The following PIK3C2G variants were observed in gnomAD, a reference collection of about 807,000 sequenced individuals.
PIK3C2G encodes the protein phosphatidylinositol 3-kinase C2 domain-containing subunit gamma.
In PIK3C2G, 168 loss-of-function variants were observed where a neutral mutation model predicts 181.1. That is an observed-to-expected ratio of 0.93 (90% CI 0.82 to 1.05). The LOEUF (loss-of-function observed/expected upper bound fraction) is 1.05, where lower values mean the gene tolerates loss of function less well. Among genes scored for constraint, PIK3C2G ranks in the 50% least tolerant of loss-of-function variants. The probability of loss-of-function intolerance (pLI) is 0.00; values close to 1 mark genes in which losing one functional copy is unlikely to be tolerated. For missense variants in PIK3C2G, 1,869 were observed against 1,732.8 expected, an observed-to-expected ratio of 1.08 and a Z score of -1.40; for synonymous variants, 573 against 592.2, an observed-to-expected ratio of 0.97 and a Z score of 0.47.
At chr12:18,587,789 T>C (rs1946869326) in intron 29 of PIK3C2G, among the ~76,000 whole-genome samples, 1 of 151,220 alleles carries the variant, frequency 6.6e-6, no homozygotes, top group South Asian at 2.1e-4. Flanking sequence ...AACACCTGAA[T>C]AGCCAACCCA....
At chr12:18,305,723 G>T (rs1950391989) in intron 5 of PIK3C2G, among the ~76,000 whole-genome samples, 1 of 151,916 alleles carries the variant, frequency 6.6e-6, no homozygotes, top group African/African-American at 2.4e-5. Context: ...TATTTGTAAA[G>T]TCTGTAGTAG....
At chr12:18,657,976 T>C in the PIK3C2G span, among the ~76,000 whole-genome samples, 1 of 151,948 alleles carries the variant, frequency 6.6e-6, no homozygotes, top group African/African-American at 2.4e-5. Flanking sequence ...TCACTTCAAA[T>C]AGAAAACTTC....
intron 29 of PIK3C2G, among the ~76,000 whole-genome samples, chr12:18,568,555 C>G (rs1374220717): frequency 1.3e-5 from 2 of 152,002 alleles, no homozygotes. Flanking sequence ...ATCTGAGTCC[C>G]AAGACATTCT....
chr12:18,539,828 C>A (rs1031559758), intron 25 of PIK3C2G, among the ~76,000 whole-genome samples: 17 of 151,976 alleles, frequency 1.1e-4, no homozygotes, highest in African/African-American at 3.9e-4. Context: ...ATATTGGTTT[C>A]TTCTTGTGTA....
intron 31 of PIK3C2G, among the ~76,000 whole-genome samples, chr12:18,619,794 G>T (rs1207805971): frequency 2.0e-5 from 3 of 148,744 alleles, no homozygotes; most frequent in Non-Finnish European, 4.4e-5. Flanking sequence ...GCGCGATCTC[G>T]GCTCACTGCA....
chr12:18,334,029 G>C (rs1486875419), intron 8 of PIK3C2G, among the ~76,000 whole-genome samples: 1 of 152,054 alleles, frequency 6.6e-6, no homozygotes, highest in Non-Finnish European at 1.5e-5. Flanking sequence ...TAAAGTATTA[G>C]CATATGGCTC....
chr12:18,251,619 A>G (rs1298028115), intron 1 of PIK3C2G, among the ~76,000 whole-genome samples: 1 of 152,096 alleles, frequency 6.6e-6, no homozygotes, highest in Non-Finnish European at 1.5e-5. Flanking sequence ...GAAGGCATAG[A>G]TCCATCACTT....
At chr12:18,273,153 G>A (rs1379195717) in intron 1 of PIK3C2G, among the ~76,000 whole-genome samples, 1 of 152,092 alleles carries the variant, frequency 6.6e-6, no homozygotes, top group African/African-American at 2.4e-5. Flanking sequence ...TTCTAATACA[G>A]TCACTTATAT....
At chr12:18,429,490 T>A (rs1053024333) in intron 18 of PIK3C2G, among the ~76,000 whole-genome samples, 1 of 152,108 alleles carries the variant, frequency 6.6e-6, no homozygotes, top group African/African-American at 2.4e-5. Context: ...CCAGCCACCA[T>A]CTGGGATTGA....
chr12:18,719,944 A>G, the PIK3C2G span, among the ~76,000 whole-genome samples: 1 of 152,098 alleles, frequency 6.6e-6, no homozygotes, highest in Non-Finnish European at 1.5e-5. Context: ...CATCTGGATG[A>G]CTGGCACACA....
At chr12:18,246,696 T>C, upstream of PIK3C2G, among the ~76,000 whole-genome samples, 1 of 152,094 alleles carries the variant, frequency 6.6e-6, no homozygotes. Flanking sequence ...TTTAAGAGAT[T>C]ATGGGGGCAT....
Position 18,509,202 on chromosome 12 carries a change from C to T in PIK3C2G, c.3323+3741C>T, listed in dbSNP as rs1052093468. Among the ~76,000 whole-genome samples, 22 of 152,044 alleles carry T rather than the reference C, an allele frequency of 1.4e-4. 1 individual carries two copies. Among genetic ancestry groups the T allele is most frequent in the Middle Eastern group, 6.3e-3 (2 of 316 alleles). On this transcript the variant is annotated intron_variant, in intron 24 of 32. Coordinates refer to ENST00000538779, the MANE Select transcript of PIK3C2G (RefSeq NM_001288772.2). ...GAGTAGCTGTAATTACATGCCACCA[C>T]GCCTGGCTAATTTTTTTTGTATTTT... is the stretch of plus-strand genomic sequence containing the variant.
chr12:18,251,693 T>G (rs1443099827), intron 1 of PIK3C2G, among the ~76,000 whole-genome samples: 1 of 152,056 alleles, frequency 6.6e-6, no homozygotes, highest in Non-Finnish European at 1.5e-5. Flanking sequence ...GCACAAATAT[T>G]TGGATTCTTA....
chr12:18,688,015 C>CT, the PIK3C2G span: 1 of 1,569,060 alleles, frequency 6.4e-7, no homozygotes, highest in Non-Finnish European at 8.7e-7. Flanking sequence ...TACAAAAACT[C>CT]TATCAACATA....
intron 29 of PIK3C2G, among the ~76,000 whole-genome samples, chr12:18,572,987 C>T (rs1946047472): frequency 1.3e-5 from 2 of 152,088 alleles, no homozygotes; most frequent in African/African-American, 4.8e-5. Context: ...ATTATATCTG[C>T]AAATAGTAAG....
chr12:18,634,160 G>T (rs1185390408), intron 31 of PIK3C2G, among the ~76,000 whole-genome samples: 3 of 152,168 alleles, frequency 2.0e-5, no homozygotes, highest in African/African-American at 4.8e-5. Context: ...GGAGGGTGGG[G>T]AACATAGTAA....
intron 9 of PIK3C2G, among the ~76,000 whole-genome samples, chr12:18,342,457 A>G (rs1337681175): frequency 6.6e-6 from 1 of 152,002 alleles, no homozygotes; most frequent in African/African-American, 2.4e-5. Context: ...GCTTTTAACT[A>G]ATTGTATTTC....
the PIK3C2G span, among the ~76,000 whole-genome samples, chr12:18,708,124 C>T: frequency 6.6e-6 from 1 of 152,204 alleles, no homozygotes; most frequent in African/African-American, 2.4e-5. Flanking sequence ...TTTCATCCTA[C>T]ATATGTGCTA....
chr12:18,699,777 G>A, the PIK3C2G span: 15 of 1,606,818 alleles, frequency 9.3e-6, 1 homozygote, highest in Middle Eastern at 5.0e-4. Flanking sequence ...TCATCTATTT[G>A]AGTCACAAAA....
Sources: allele counts gnomAD v4.1 joint callset (sites outside exome capture counted in the v4.1 genomes callset), GRCh38; gene constraint gnomAD v4.1.1; transcripts MANE v1.5; gene names NCBI Gene and HGNC (gene_info 2026-07-23, HGNC 2026-07-21).